CDC14A: variants seen among roughly 807,000 people sequenced by gnomAD.
CDC14A encodes dual specificity protein phosphatase CDC14A.
Under a neutral mutation model 74.4 loss-of-function variants are expected in CDC14A, and 53 were observed. That is an observed-to-expected ratio of 0.71 (90% confidence interval 0.57 to 0.89). CDC14A has a LOEUF of 0.89. Ranked by LOEUF, CDC14A falls within the 40% of genes least tolerant of loss-of-function variation. The pLI, the probability that CDC14A is intolerant of heterozygous loss-of-function variation, is 0.00. For missense variants in CDC14A, 646 were observed against 713.7 expected, an observed-to-expected ratio of 0.91 and a Z score of 1.08; for synonymous variants, 247 against 258.4, an observed-to-expected ratio of 0.96 and a Z score of 0.43.
At chr1:100,484,907 A>G in intron 11 of CDC14A, 1 of 978,264 alleles carries the variant, frequency 1.0e-6, no homozygotes. Flanking sequence ...CTGTAAACAA[A>G]CCACGGTAAA....
chr1:100,352,253 G>C (rs1393535321), upstream of CDC14A, among the ~76,000 whole-genome samples: 2 of 152,172 alleles, frequency 1.3e-5, no homozygotes, highest in African/African-American at 4.8e-5. Flanking sequence ...CTGGGCCGAG[G>C]GCCCCGTTTC....
intron 7 of CDC14A, among the ~76,000 whole-genome samples, chr1:100,443,792 A>T (rs995091572): frequency 1.3e-5 from 2 of 152,150 alleles, no homozygotes; most frequent in African/African-American, 4.8e-5. Flanking sequence ...GCTATCTCCA[A>T]GCTGGTTTGC....
intron 4 of CDC14A, among the ~76,000 whole-genome samples, chr1:100,394,966 G>T (rs1467504376): frequency 1.3e-5 from 2 of 152,124 alleles, no homozygotes; most frequent in Non-Finnish European, 2.9e-5. Flanking sequence ...TTTTCTGGGG[G>T]AATCTTCTCT....
chr1:100,361,147 A>G (rs76939569), intron 2 of CDC14A, among the ~76,000 whole-genome samples: 23,540 of 152,020 alleles, frequency 0.15, 2,192 homozygotes, highest in East Asian at 0.25. Context: ...ACTAAAAACT[A>G]AAACACAAGC....
chr1:100,419,450 T>C (rs988646630), intron 4 of CDC14A, among the ~76,000 whole-genome samples: 2 of 152,244 alleles, frequency 1.3e-5, no homozygotes, highest in African/African-American at 2.4e-5. Flanking sequence ...TTCTTATATC[T>C]GCCCACCCCC....
chr1:100,516,878 A>G (rs1033428388), intron 15 of CDC14A, among the ~76,000 whole-genome samples: 2 of 152,210 alleles, frequency 1.3e-5, no homozygotes, highest in Non-Finnish European at 2.9e-5. Flanking sequence ...CATGAACCAC[A>G]TACAAGAAAG....
intron 3 of CDC14A, among the ~76,000 whole-genome samples, chr1:100,385,041 G>A (rs1431336104): frequency 2.0e-5 from 3 of 152,226 alleles, no homozygotes; most frequent in African/African-American, 7.2e-5. Flanking sequence ...TTTACAAATT[G>A]TAATAAGGTT....
chr1:100,396,114 G>A (rs967044545), intron 4 of CDC14A, among the ~76,000 whole-genome samples: 2 of 152,114 alleles, frequency 1.3e-5, no homozygotes, highest in East Asian at 1.9e-4. Context: ...TGTTTTGTTC[G>A]TCGCTGTGTG....
chr1:100,472,209 A>G (rs1668460547), intron 10 of CDC14A, among the ~76,000 whole-genome samples: 1 of 152,194 alleles, frequency 6.6e-6, no homozygotes, highest in Non-Finnish European at 1.5e-5. Context: ...ACATACGAAA[A>G]GCGATTCACC....
intron 2 of CDC14A, among the ~76,000 whole-genome samples, chr1:100,367,811 G>A (rs1164145081): frequency 6.6e-6 from 1 of 152,170 alleles, no homozygotes; most frequent in East Asian, 1.9e-4. Flanking sequence ...GGTTAGGATT[G>A]CTTATTTTTT....
At chr1:100,465,340 A>G (rs1387065407) in intron 9 of CDC14A, among the ~76,000 whole-genome samples, 1 of 152,228 alleles carries the variant, frequency 6.6e-6, no homozygotes, top group Non-Finnish European at 1.5e-5. Flanking sequence ...TCACATTTAC[A>G]TGTGGTAATA....
In CDC14A at chr1:100,508,869, C is replaced by A. The variant is rs1571362681; in HGVS notation, c.1756-9382C>A. Among the ~76,000 whole-genome samples the A allele has an allele frequency of 6.6e-6, 1 of 152,202 alleles. No homozygotes were observed. Among genetic ancestry groups the A allele is most frequent in the South Asian group, 2.1e-4 (1 of 4,830 alleles). Reference sequence around the variant, plus strand: ...GTTTCTGGGTCACAAAGATGTTGATCTTGCTTTTAATTTCTGCTGTGCCCT... The same window carrying A: ...GTTTCTGGGTCACAAAGATGTTGATATTGCTTTTAATTTCTGCTGTGCCCT... On this transcript the variant is annotated intron_variant, in intron 15 of 15. Coordinates refer to ENST00000336454, the MANE Select transcript of CDC14A (RefSeq NM_003672.4). The surrounding 1 kb of genome is among the most constrained non-coding windows in gnomAD (Gnocchi z 4.4).
chr1:100,492,062 G>A (rs150469127), intron 11 of CDC14A, among the ~76,000 whole-genome samples: 1 of 152,028 alleles, frequency 6.6e-6, no homozygotes, highest in African/African-American at 2.4e-5. Flanking sequence ...TTAAGTGCAT[G>A]GCTGTGTATT....
At chr1:100,466,142 T>C (rs955887315) in intron 9 of CDC14A, among the ~76,000 whole-genome samples, 10 of 152,120 alleles carry the variant, frequency 6.6e-5, no homozygotes, top group Non-Finnish European at 4.4e-5. Flanking sequence ...TTTTTGGTTG[T>C]GAGTGTGAAC....
intron 5 of CDC14A, among the ~76,000 whole-genome samples, chr1:100,432,723 T>G (rs1045678328): frequency 6.6e-6 from 1 of 152,240 alleles, no homozygotes; most frequent in African/African-American, 2.4e-5. Flanking sequence ...TACTAAAATT[T>G]ACTTTTTTCT....
At position 100,435,415 on chromosome 1, in the gene CDC14A, G is replaced by A. The variant is rs140080008; in HGVS notation, c.390-4517G>A. 1.4e-4 allele frequency among the ~76,000 whole-genome samples: 21 copies of A among 152,264 alleles called. No individual in the cohort carries two copies. The East Asian group carries it at 3.7e-3, about 27-fold the overall frequency. On this transcript the variant is annotated intron_variant, in intron 5 of 15. Coordinates refer to ENST00000336454, the MANE Select transcript of CDC14A (RefSeq NM_003672.4). ...GCCAGGGGCTGGAGGAAGGAGAATG[G>A]GGAGTGACTGCAAATGAGTCCAAAG...
chr1:100,391,253 T>C (rs1308546385), intron 4 of CDC14A, among the ~76,000 whole-genome samples: 4 of 152,216 alleles, frequency 2.6e-5, no homozygotes. Context: ...ATTGTTATTA[T>C]TTTTATCAAT....
chr1:100,511,965 C>T (rs1351323571), intron 15 of CDC14A, among the ~76,000 whole-genome samples: 1 of 152,112 alleles, frequency 6.6e-6, no homozygotes. Context: ...AGGGTTCTTC[C>T]CTGTCGGGCT....
In CDC14A at chr1:100,422,487, G is replaced by C. The variant is rs927896398; in HGVS notation, c.310-1735G>C. On this transcript the variant is annotated intron_variant, in intron 4 of 15. Coordinates refer to ENST00000336454, the MANE Select transcript of CDC14A (RefSeq NM_003672.4). ...AAATCACTGCATTATAACCAATTCT[G>C]TTATATAACCTACCCCTTAGGGTAC... 6.6e-5 allele frequency among the ~76,000 whole-genome samples: 10 copies of C among 152,130 alleles called. No individual in the cohort carries two copies. The East Asian group carries it at 1.2e-3, about 18-fold the overall frequency.
Sources: gnomAD v4.1 joint callset for allele counts (sites outside exome capture counted in the v4.1 genomes callset) on GRCh38, gnomAD v4.1.1 for gene constraint, Gnocchi (gnomAD v3.1) non-coding constraint, MANE v1.5 for transcripts, NCBI Gene and HGNC (gene_info 2026-07-23, HGNC 2026-07-21) for gene names.